The following CFAP299 variants were observed in gnomAD, a reference collection of about 807,000 sequenced individuals.
The protein encoded by CFAP299 is cilia and flagella associated protein 299, also known as cilia- and flagella-associated protein 299.
Under a neutral mutation model 27.0 loss-of-function variants are expected in CFAP299, and 21 were observed. That is an observed-to-expected ratio of 0.78 (90% CI 0.55 to 1.12). CFAP299 has a LOEUF of 1.12. Ranked by LOEUF, CFAP299 falls within the 50% of genes most tolerant of loss-of-function variation. CFAP299 has a pLI of 0.00. For synonymous variants in CFAP299, 104 were observed against 98.1 expected, an observed-to-expected ratio of 1.06 and a Z score of -0.36; for missense variants, 310 against 276.6, an observed-to-expected ratio of 1.12 and a Z score of -0.86.
rs541608303 is a variant in CFAP299 at position 80,739,454 on chromosome 4, T to C, written c.334-130539T>C. 5.9e-5 allele frequency among the ~76,000 whole-genome samples: 9 copies of C among 152,222 alleles called. No homozygotes were observed. In the South Asian group the frequency reaches 1.7e-3, roughly 28 times the overall value. On this transcript the variant is annotated intron_variant, in intron 3 of 5. Coordinates refer to ENST00000358105, the MANE Select transcript of CFAP299 (RefSeq NM_152770.3). ...ATTCTAGGGTAAAAGTGGTTTTCATTTTTTGTTTTTGTTTGTTTGTTTGTT... is the reference window on the plus strand; with the variant it reads ...ATTCTAGGGTAAAAGTGGTTTTCATCTTTTGTTTTTGTTTGTTTGTTTGTT...
chr4:80,534,477 A>G (rs1733632701), intron 2 of CFAP299, among the ~76,000 whole-genome samples: 1 of 151,988 alleles, frequency 6.6e-6, no homozygotes, highest in African/African-American at 2.4e-5. Context: ...TGCACAATTA[A>G]TCTTGATAAT....
At chr4:80,698,142 T>C (rs1433592730) in intron 3 of CFAP299, among the ~76,000 whole-genome samples, 2 of 152,230 alleles carry the variant, frequency 1.3e-5, no homozygotes, top group Non-Finnish European at 2.9e-5. Context: ...TTCCTAGTTA[T>C]GTATGACTCT....
rs532351569 is a variant in CFAP299, at chr4:80,598,458, G to A, written c.333+15275G>A. Among the ~76,000 whole-genome samples, 9 of 152,284 alleles carry A rather than the reference G, an allele frequency of 5.9e-5. No individual in the cohort carries two copies. The South Asian group carries it at 1.9e-3, about 32-fold the overall frequency. On this transcript the variant is annotated intron_variant, in intron 3 of 5. Coordinates refer to ENST00000358105, the MANE Select transcript of CFAP299 (RefSeq NM_152770.3). ...TAAATATGAATTGTTATTAAGCCAT[G>A]CCCTTCATTAACTACTACTAGAATT...
At chr4:80,453,549 A>G (rs559582698) in intron 2 of CFAP299, among the ~76,000 whole-genome samples, 2 of 152,048 alleles carry the variant, frequency 1.3e-5, no homozygotes, top group African/African-American at 2.4e-5. Flanking sequence ...TCCCTTAAAA[A>G]TAATCGTGTG....
intron 3 of CFAP299, among the ~76,000 whole-genome samples, chr4:80,684,669 T>G (rs1400179767): frequency 1.3e-5 from 2 of 150,486 alleles, no homozygotes; most frequent in Non-Finnish European, 3.0e-5. Flanking sequence ...TCATCTGTTC[T>G]AAAATCTTTT....
At chr4:80,488,258 G>A (rs557511014) in intron 2 of CFAP299, among the ~76,000 whole-genome samples, 2 of 152,132 alleles carry the variant, frequency 1.3e-5, no homozygotes, top group East Asian at 3.9e-4. Flanking sequence ...GGGGTGTGGA[G>A]GAATCCCCAG....
chr4:80,815,124 A>G (rs1233321068), intron 3 of CFAP299, among the ~76,000 whole-genome samples: 7 of 152,064 alleles, frequency 4.6e-5, no homozygotes, highest in Non-Finnish European at 8.8e-5. Flanking sequence ...CCTAAAATGT[A>G]GCACAAAAAA....
chr4:80,345,270 GTTATTATTA>G (rs552352955), intron 1 of CFAP299, among the ~76,000 whole-genome samples: 4 of 150,638 alleles, frequency 2.7e-5, no homozygotes, highest in African/African-American at 9.7e-5. Flanking sequence ...GTTTCTTTTT[GTTATTATTA>G]TTATTATTAT....
chr4:80,635,116 G>A (rs1211756938), intron 3 of CFAP299, among the ~76,000 whole-genome samples: 3 of 152,044 alleles, frequency 2.0e-5, no homozygotes, highest in Admixed American at 6.6e-5. Context: ...AGCTTTATAA[G>A]TAATATGGTT....
intron 2 of CFAP299, among the ~76,000 whole-genome samples, chr4:80,571,288 G>A (rs1735569048): frequency 6.6e-6 from 1 of 152,018 alleles, no homozygotes; most frequent in African/African-American, 2.4e-5. Context: ...GTTTTTCCAT[G>A]CTCTTTGCGG....
intron 3 of CFAP299, among the ~76,000 whole-genome samples, chr4:80,861,770 G>A (rs534298572): frequency 1.2e-4 from 19 of 152,170 alleles, no homozygotes; most frequent in African/African-American, 4.1e-4. Context: ...AAAAAATAAT[G>A]CAAGTAAAGA....
chr4:80,504,542 A>C (rs1578526145), intron 2 of CFAP299, among the ~76,000 whole-genome samples: 1 of 125,760 alleles, frequency 8.0e-6, no homozygotes, highest in African/African-American at 2.9e-5. Context: ...TCTTTTTAAA[A>C]ATTTCCTCGG....
chr4:80,782,640 AC>A (rs1258118575), intron 3 of CFAP299, among the ~76,000 whole-genome samples: 6 of 118,298 alleles, frequency 5.1e-5, no homozygotes, highest in African/African-American at 1.3e-4. Flanking sequence ...TATATAATAT[AC>A]ATATATGAAT....
intron 4 of CFAP299, among the ~76,000 whole-genome samples, chr4:80,931,349 C>G (rs1171780162): frequency 4.6e-5 from 7 of 152,014 alleles, no homozygotes; most frequent in African/African-American, 1.5e-4. Context: ...TAAATGTTCC[C>G]CTTAGAATTT....
intron 4 of CFAP299, among the ~76,000 whole-genome samples, chr4:80,943,592 G>A (rs952151613): frequency 6.6e-6 from 1 of 151,988 alleles, no homozygotes; most frequent in African/African-American, 2.4e-5. Flanking sequence ...TATTAGAAAT[G>A]CATTAGTAGG....
At chr4:80,953,769 A>C (rs1016580297) in intron 5 of CFAP299, among the ~76,000 whole-genome samples, 3 of 152,190 alleles carry the variant, frequency 2.0e-5, no homozygotes, top group Non-Finnish European at 4.4e-5. Context: ...AATTATGTAT[A>C]TACATAAATA....
At chr4:80,488,789 A>G (rs1454138183) in intron 2 of CFAP299, among the ~76,000 whole-genome samples, 3 of 152,160 alleles carry the variant, frequency 2.0e-5, no homozygotes, top group Non-Finnish European at 4.4e-5. Context: ...AACCACTCCT[A>G]ACTGAGTATG....
chr4:80,569,601 G>A (rs562305161), intron 2 of CFAP299, among the ~76,000 whole-genome samples: 8 of 151,866 alleles, frequency 5.3e-5, no homozygotes, highest in Non-Finnish European at 8.8e-5. Flanking sequence ...AATTAGTAGG[G>A]AATAATAATG....
At chr4:80,418,270 T>C (rs1727114825) in intron 2 of CFAP299, among the ~76,000 whole-genome samples, 1 of 152,212 alleles carries the variant, frequency 6.6e-6, no homozygotes. Context: ...TGCTCTTCTG[T>C]GTATATATAC....
Sources: gnomAD v4.1 joint callset for allele counts (sites outside exome capture counted in the v4.1 genomes callset) on GRCh38, gnomAD v4.1.1 for gene constraint, MANE v1.5 for transcripts, NCBI Gene and HGNC (gene_info 2026-07-23, HGNC 2026-07-21) for gene names.